Variants in GPC6 observed in about 807,000 individuals in gnomAD.
GPC6 encodes glypican 6.
Under a neutral mutation model 55.2 loss-of-function variants are expected in GPC6, and 14 were observed. The ratio of observed to expected loss-of-function variants is 0.25; its 90% CI spans 0.17 to 0.40. GPC6 has a LOEUF of 0.40. Ranked by LOEUF, GPC6 falls within the 10% of genes least tolerant of loss-of-function variation. GPC6 has a pLI of 1.00. For missense variants in GPC6, 641 were observed against 708.5 expected, an observed-to-expected ratio of 0.90 and a Z score of 1.08; for synonymous variants, 278 against 259.6, an observed-to-expected ratio of 1.07 and a Z score of -0.68.
intron 4 of GPC6, among the ~76,000 whole-genome samples, chr13:94,150,837 T>TATATATA (rs1555301323): frequency 1.4e-5 from 2 of 144,430 alleles, no homozygotes; most frequent in East Asian, 2.1e-4. Context: ...TATATGTTTA[T>TATATATA]TGAATGAGTA....
chr13:94,068,070 T>C (rs746960907), intron 4 of GPC6, among the ~76,000 whole-genome samples: 9 of 152,140 alleles, frequency 5.9e-5, no homozygotes, highest in Non-Finnish European at 1.3e-4. Context: ...TCTGTATTGG[T>C]TGGTTTTCAT....
intron 3 of GPC6, among the ~76,000 whole-genome samples, chr13:94,004,307 T>C (rs931009032): frequency 1.3e-5 from 2 of 151,970 alleles, no homozygotes; most frequent in Non-Finnish European, 2.9e-5. Context: ...ATTAAAGAGA[T>C]AATCACATGG....
chr13:93,366,361 C>G (rs1367229132), intron 1 of GPC6, among the ~76,000 whole-genome samples: 1 of 151,968 alleles, frequency 6.6e-6, no homozygotes, highest in Admixed American at 6.6e-5. Flanking sequence ...AGCATGTCAT[C>G]AACAATGACA....
chr13:93,332,453 G>A (rs545080335), intron 1 of GPC6, among the ~76,000 whole-genome samples: 2 of 151,970 alleles, frequency 1.3e-5, no homozygotes, highest in African/African-American at 2.4e-5. Context: ...TTGCATTTCC[G>A]TGATGATTAG....
intron 2 of GPC6, among the ~76,000 whole-genome samples, chr13:93,755,037 T>TA (rs1408052513): frequency 6.6e-6 from 1 of 152,224 alleles, no homozygotes. Context: ...ATTGATAAAA[T>TA]ACAGACTCAT....
At chr13:93,305,424 G>A (rs116030071) in intron 1 of GPC6, among the ~76,000 whole-genome samples, 1 of 152,072 alleles carries the variant, frequency 6.6e-6, no homozygotes, top group Non-Finnish European at 1.5e-5. Flanking sequence ...GAACAGGATT[G>A]GTGATTATTG....
At chr13:94,021,943 T>C (rs767167536) in intron 3 of GPC6, among the ~76,000 whole-genome samples, 3 of 152,112 alleles carry the variant, frequency 2.0e-5, no homozygotes, top group Admixed American at 6.5e-5. Flanking sequence ...ACTAATATTG[T>C]AAAAGATTAT....
rs116272139 is a variant in GPC6, at chr13:93,891,897, G to T, written c.711+61352G>T. Among the ~76,000 whole-genome samples, 699 of 151,464 alleles carry T rather than the reference G, an allele frequency of 4.6e-3. 6 individuals are homozygous for T. The highest frequency in any genetic ancestry group is 0.016 in the African/African-American group (670 of 41,042). ...AGTGTGTGTGTATATTGTGTGTATA[G>T]TGTGTGTATGGGTGTATGTATAGAG... On this transcript the variant is annotated intron_variant, in intron 3 of 8. Transcript: ENST00000377047.
chr13:93,485,538 G>C (rs1278328434), intron 1 of GPC6, among the ~76,000 whole-genome samples: 1 of 152,146 alleles, frequency 6.6e-6, no homozygotes, highest in African/African-American at 2.4e-5. Context: ...ATAGCTCTCT[G>C]TACACTCCTT....
At chr13:93,976,468 G>A (rs1880521487) in intron 3 of GPC6, among the ~76,000 whole-genome samples, 1 of 151,676 alleles carries the variant, frequency 6.6e-6, no homozygotes, top group Non-Finnish European at 1.5e-5. Context: ...AAGGACAAAT[G>A]ACTAAAGAAT....
chr13:93,542,140 G>A (rs1882335974), intron 1 of GPC6, among the ~76,000 whole-genome samples: 1 of 152,020 alleles, frequency 6.6e-6, no homozygotes, highest in Admixed American at 6.6e-5. Flanking sequence ...TTTATTCTAG[G>A]GTTTTTATGG....
At chr13:93,684,329 G>C (rs1221255998) in intron 2 of GPC6, among the ~76,000 whole-genome samples, 1 of 151,970 alleles carries the variant, frequency 6.6e-6, no homozygotes, top group Non-Finnish European at 1.5e-5. Flanking sequence ...GGGACTACAG[G>C]TGCCCACCAC....
intron 4 of GPC6, among the ~76,000 whole-genome samples, chr13:94,276,151 A>C (rs1305009644): frequency 6.6e-6 from 1 of 152,222 alleles, no homozygotes; most frequent in Admixed American, 6.5e-5. Flanking sequence ...ATTATTTGTA[A>C]TAGCAGAAAA....
At chr13:93,451,951 G>A (rs1878242299) in intron 1 of GPC6, among the ~76,000 whole-genome samples, 1 of 151,938 alleles carries the variant, frequency 6.6e-6, no homozygotes, top group African/African-American at 2.4e-5. Flanking sequence ...AAATTGAGAT[G>A]CCATCTTAGC....
intron 4 of GPC6, among the ~76,000 whole-genome samples, chr13:94,247,223 T>G (rs765503169): frequency 3.9e-5 from 6 of 152,148 alleles, no homozygotes; most frequent in Non-Finnish European, 7.4e-5. Flanking sequence ...CTGAATTAAT[T>G]TATTAGATGT....
At chr13:93,278,146 C>T (rs1877819536) in intron 1 of GPC6, among the ~76,000 whole-genome samples, 1 of 152,124 alleles carries the variant, frequency 6.6e-6, no homozygotes, top group Non-Finnish European at 1.5e-5. Flanking sequence ...TTATTTTAGA[C>T]AACAAGTGCT....
At chr13:93,615,838 T>C (rs1878694410) in intron 2 of GPC6, among the ~76,000 whole-genome samples, 1 of 152,010 alleles carries the variant, frequency 6.6e-6, no homozygotes, top group African/African-American at 2.4e-5. Context: ...ATTCTAAAAC[T>C]CTCTGAAAAT....
At chr13:94,045,710 A>G (rs1594692118) in intron 4 of GPC6, among the ~76,000 whole-genome samples, 1 of 151,404 alleles carries the variant, frequency 6.6e-6, no homozygotes, top group South Asian at 2.1e-4. Flanking sequence ...TGTTAGCAAT[A>G]TAGAAACCAG....
At chr13:93,245,914 A>G (rs1423752706) in intron 1 of GPC6, among the ~76,000 whole-genome samples, 1 of 152,220 alleles carries the variant, frequency 6.6e-6, no homozygotes, top group Non-Finnish European at 1.5e-5. Flanking sequence ...CTTCTTCCTA[A>G]GTAGAATGGG....
Sources: allele counts gnomAD v4.1 joint callset (sites outside exome capture counted in the v4.1 genomes callset), GRCh38; gene constraint gnomAD v4.1.1; transcripts MANE v1.5; gene names NCBI Gene and HGNC (gene_info 2026-07-23, HGNC 2026-07-21).